The following ALMS1 variants were observed in gnomAD, a reference collection of about 807,000 sequenced individuals.
The protein encoded by ALMS1 is ALMS1 centrosome and basal body associated protein.
Under a neutral mutation model 352.2 loss-of-function variants are expected in ALMS1, and 271 were observed. The ratio of observed to expected loss-of-function variants is 0.77; its 90% CI spans 0.70 to 0.85. The LOEUF (loss-of-function observed/expected upper bound fraction) is 0.85. Among genes scored for constraint, ALMS1 ranks in the 40% least tolerant of loss-of-function variants. The pLI, the probability that ALMS1 is intolerant of heterozygous loss-of-function variation, is 0.00. For synonymous variants in ALMS1, 1,865 were observed against 1,761.2 expected (o/e 1.06, Z -1.48); for missense variants, 5,445 against 4,870.7 (o/e 1.12, Z -3.51).
intron 13 of ALMS1, among the ~76,000 whole-genome samples, chr2:73,552,932 C>T (rs1032521132): frequency 7.9e-5 from 12 of 151,786 alleles, no homozygotes; most frequent in Non-Finnish European, 4.4e-5. Flanking sequence ...CAAGATTGTC[C>T]CCAAAGTTTC....
intron 10 of ALMS1, among the ~76,000 whole-genome samples, chr2:73,495,213 T>C (rs914668130): frequency 6.6e-6 from 1 of 152,132 alleles, no homozygotes; most frequent in African/African-American, 2.4e-5. Flanking sequence ...TAAAAATCCC[T>C]CTTTTTATTG....
chr2:73,469,804 A>G (rs923744530), intron 9 of ALMS1: 1 of 151,866 alleles, frequency 6.6e-6, no homozygotes, highest in African/African-American at 2.4e-5. Flanking sequence ...TTGAATCTAA[A>G]TAGAAGGAAT....
chr2:73,530,670 A>G (rs1673889605), intron 11 of ALMS1, among the ~76,000 whole-genome samples: 1 of 152,220 alleles, frequency 6.6e-6, no homozygotes, highest in African/African-American at 2.4e-5. Context: ...TCACATTACC[A>G]GTCTGCATTT....
At chr2:73,484,101 T>A (rs1021596221) in intron 9 of ALMS1, among the ~76,000 whole-genome samples, 1 of 151,798 alleles carries the variant, frequency 6.6e-6, no homozygotes, top group Non-Finnish European at 1.5e-5. Flanking sequence ...TATGTGTGAA[T>A]TTGATCCTGT....
chr2:73,471,656 A>G (rs538982382), intron 9 of ALMS1, among the ~76,000 whole-genome samples: 1 of 152,116 alleles, frequency 6.6e-6, no homozygotes, highest in Admixed American at 6.6e-5. Context: ...AATCAAAACC[A>G]CAATGACTGA....
intron 10 of ALMS1, 50 bp downstream of exon 10, chr2:73,491,548 G>A (rs775380419): frequency 1.3e-6 from 2 of 1,587,032 alleles, no homozygotes; most frequent in East Asian, 2.2e-5. Flanking sequence ...TGTAATAAAG[G>A]GTTTCAAATA....
chr2:73,395,016 G>GTATATATATGTA, intron 1 of ALMS1, among the ~76,000 whole-genome samples: 1 of 137,280 alleles, frequency 7.3e-6, no homozygotes, highest in African/African-American at 2.7e-5. Context: ...ATATATATGT[G>GTATATATATGTA]TATATATATG....
chr2:73,584,685 G>C (rs545805847), intron 16 of ALMS1, among the ~76,000 whole-genome samples: 2 of 152,102 alleles, frequency 1.3e-5, no homozygotes, highest in Non-Finnish European at 2.9e-5. Flanking sequence ...TGGTTACATG[G>C]ATAAGTTGTT....
At chr2:73,493,134 T>C (rs2103902358) in intron 10 of ALMS1, among the ~76,000 whole-genome samples, 1 of 152,202 alleles carries the variant, frequency 6.6e-6, no homozygotes, top group East Asian at 1.9e-4. Context: ...GAACTAACAA[T>C]AATGCCATTT....
chr2:73,527,438 T>G (rs906932441), intron 11 of ALMS1, among the ~76,000 whole-genome samples: 4 of 152,106 alleles, frequency 2.6e-5, no homozygotes, highest in Non-Finnish European at 5.9e-5. Context: ...ATTACAACTT[T>G]TACCTTGTTG....
intron 11 of ALMS1, among the ~76,000 whole-genome samples, chr2:73,533,840 G>A (rs545618643): frequency 2.1e-4 from 32 of 152,218 alleles, no homozygotes; most frequent in Middle Eastern, 3.4e-3. Context: ...GTAAATTGTC[G>A]CAGACATATT....
chr2:73,571,958 G>A lies in ALMS1; in HGVS notation c.10385-304G>A, dbSNP rs117843813. 5.3e-3 allele frequency among the ~76,000 whole-genome samples: 809 copies of A among 152,176 alleles called. 50 individuals are homozygous for A. The East Asian group carries it at 0.13, about 24-fold the overall frequency. ...ATGTCATAACACCCTACACAGAACAGGTGGTAAATACATATAGCAGTTGCT... is the reference window on the plus strand; with the variant it reads ...ATGTCATAACACCCTACACAGAACAAGTGGTAAATACATATAGCAGTTGCT... On this transcript the variant is annotated intron_variant, in intron 15 of 22. Transcript: ENST00000613296.
Position 73,582,684 on chromosome 2 carries a change from T to G in ALMS1, c.11547+9260T>G, listed in dbSNP as rs113891031. On this transcript the variant is annotated intron_variant, in intron 16 of 22. Transcript: ENST00000613296. The stretch of plus-strand genomic sequence containing the variant: ...AGATCTTAAAGATTCATCCATATAA[T>G]CCATGTAGCATGTTATAGGATTTCC... 4.8e-3 allele frequency among the ~76,000 whole-genome samples: 727 copies of G among 152,340 alleles called. 5 individuals are homozygous for G. Among genetic ancestry groups the G allele is most frequent in the African/African-American group, 0.017 (692 of 41,578 alleles).
chr2:73,605,636 G>T (rs542220266), intron 21 of ALMS1, among the ~76,000 whole-genome samples: 1 of 152,152 alleles, frequency 6.6e-6, no homozygotes, highest in Non-Finnish European at 1.5e-5. Flanking sequence ...ATCACTTGAG[G>T]TCAGGAGTTC....
At chr2:73,444,769 T>C (rs891532375) in intron 7 of ALMS1, among the ~76,000 whole-genome samples, 3 of 152,180 alleles carry the variant, frequency 2.0e-5, no homozygotes, top group African/African-American at 7.2e-5. Context: ...AATAAGGGTA[T>C]CAAAAATCCT....
intron 12 of ALMS1, among the ~76,000 whole-genome samples, chr2:73,545,524 A>T (rs1674295498): frequency 6.6e-6 from 1 of 152,216 alleles, no homozygotes; most frequent in African/African-American, 2.4e-5. Flanking sequence ...AAAAAAACTT[A>T]AGAAGTTACC....
At chr2:73,482,832 T>G (rs879893032) in intron 9 of ALMS1, among the ~76,000 whole-genome samples, 3,385 of 151,706 alleles carry the variant, frequency 0.022, 34 homozygotes, top group Non-Finnish European at 0.031. Context: ...GAGGAATTTA[T>G]CCATTTCTTC....
At chr2:73,462,251 G>T (rs928998649) in intron 9 of ALMS1, among the ~76,000 whole-genome samples, 16 of 152,114 alleles carry the variant, frequency 1.1e-4, no homozygotes, top group Admixed American at 9.8e-4. Context: ...GACTAACAGC[G>T]GATCTCTCGG....
chr2:73,584,362 T>C (rs1675263310), intron 16 of ALMS1, among the ~76,000 whole-genome samples: 1 of 152,210 alleles, frequency 6.6e-6, no homozygotes, highest in Non-Finnish European at 1.5e-5. Context: ...TGTATTTAAA[T>C]ATAGGGTCAG....
Sources: allele counts gnomAD v4.1 joint callset (sites outside exome capture counted in the v4.1 genomes callset), GRCh38; gene constraint gnomAD v4.1.1; transcripts MANE v1.5; gene names NCBI Gene and HGNC (gene_info 2026-07-23, HGNC 2026-07-21).